IFT70B: variants seen among roughly 807,000 people sequenced by gnomAD.
The protein encoded by IFT70B is intraflagellar transport 70B.
the IFT70B span, chr2:177,552,143 T>G: frequency 1.9e-6 from 3 of 1,614,178 alleles, no homozygotes; most frequent in Non-Finnish European, 2.5e-6. Flanking sequence ...TATGCTTCAG[T>G]GCTGAAGCAT....
At chr2:177,551,120 C>G in the IFT70B span, 1 of 1,614,094 alleles carries the variant, frequency 6.2e-7, no homozygotes, top group African/African-American at 1.3e-5. Context: ...TTCCTATCAC[C>G]AAATTCACAA....
chr2:177,552,629 G>A, the IFT70B span: 27 of 1,590,316 alleles, frequency 1.7e-5, no homozygotes, highest in Admixed American at 5.3e-5. Flanking sequence ...ACAGGCCGGC[G>A]CGGCTCCTAG....
At chr2:177,551,240 A>G in the IFT70B span, 48 of 1,613,950 alleles carry the variant, frequency 3.0e-5, 1 homozygote, top group South Asian at 3.2e-4. Context: ...TTGTCATAAT[A>G]TAGGAAACAC....
chr2:177,551,239 T>C, the IFT70B span: 4 of 1,613,824 alleles, frequency 2.5e-6, no homozygotes, highest in African/African-American at 4.0e-5. Context: ...CTTGTCATAA[T>C]ATAGGAAACA....
the IFT70B span, chr2:177,552,733 C>G: frequency 6.3e-7 from 1 of 1,581,542 alleles, no homozygotes; most frequent in South Asian, 1.1e-5. Context: ...AACTCCCCGT[C>G]GGGGATCTGC....
the IFT70B span, chr2:177,552,143 T>C: frequency 4.3e-6 from 7 of 1,614,178 alleles, no homozygotes; most frequent in East Asian, 4.5e-5. Context: ...TATGCTTCAG[T>C]GCTGAAGCAT....
chr2:177,552,793 C>T, the IFT70B span: 1 of 1,491,392 alleles, frequency 6.7e-7, no homozygotes, highest in Non-Finnish European at 8.9e-7. Flanking sequence ...GGTGCGGTTA[C>T]TATGGCAACA....
the IFT70B span, chr2:177,550,835 C>T: frequency 6.2e-7 from 1 of 1,614,102 alleles, no homozygotes; most frequent in Non-Finnish European, 8.5e-7. Context: ...TGACTGTATT[C>T]TTTCCAACAT....
At chr2:177,550,310 A>G in the IFT70B span, 1 of 153,000 alleles carries the variant, frequency 6.5e-6, no homozygotes, top group South Asian at 2.1e-4. Flanking sequence ...ACACTGCCAA[A>G]ATATCCTAAA....
the IFT70B span, chr2:177,549,398 G>A: frequency 6.6e-6 from 1 of 152,202 alleles, no homozygotes; most frequent in African/African-American, 2.4e-5. Flanking sequence ...TTTCTTATCA[G>A]TACTTATGTG....
At chr2:177,549,593 G>A in the IFT70B span, 1 of 152,230 alleles carries the variant, frequency 6.6e-6, no homozygotes, top group Non-Finnish European at 1.5e-5. Flanking sequence ...GCCAGGTCAA[G>A]TTAGGATTGA....
chr2:177,552,761 C>A, the IFT70B span: 1 of 1,554,388 alleles, frequency 6.4e-7, no homozygotes, highest in Non-Finnish European at 8.7e-7. Flanking sequence ...TCAGGCCAGC[C>A]ATAACCACCA....
the IFT70B span, chr2:177,552,715 C>A: frequency 3.1e-6 from 5 of 1,592,770 alleles, no homozygotes; most frequent in Middle Eastern, 3.3e-4. Context: ...CGGTACACGA[C>A]CGCGGTGAAC....
At chr2:177,552,783 G>C in the IFT70B span, 2 of 1,507,772 alleles carry the variant, frequency 1.3e-6, no homozygotes, top group Middle Eastern at 1.8e-4. Context: ...GGCTGTTATG[G>C]GTGCGGTTAC....
chr2:177,552,759 GC>G, the IFT70B span: 1 of 1,555,154 alleles, frequency 6.4e-7, no homozygotes, highest in Non-Finnish European at 8.7e-7. Flanking sequence ...GCTCAGGCCA[GC>G]CATAACCACC....
At chr2:177,551,033 C>A in the IFT70B span, 2 of 1,614,180 alleles carry the variant, frequency 1.2e-6, no homozygotes, top group Non-Finnish European at 1.7e-6. Context: ...CTGTTCCCAG[C>A]TTTTTGTTGT....
At chr2:177,551,575 CTT>C in the IFT70B span, 1 of 1,614,162 alleles carries the variant, frequency 6.2e-7, no homozygotes, top group Non-Finnish European at 8.5e-7. Flanking sequence ...GCTTCCTGTA[CTT>C]GTATGGTAAG....
At chr2:177,552,042 T>C in the IFT70B span, 1 of 1,614,254 alleles carries the variant, frequency 6.2e-7, no homozygotes, top group East Asian at 2.2e-5. Context: ...GACTAAGGTG[T>C]TGCCAACACT....
chr2:177,550,666 A>G, the IFT70B span: 1 of 1,142,878 alleles, frequency 8.7e-7, no homozygotes, highest in East Asian at 2.4e-5. Context: ...ATAAGTGTAC[A>G]AAGTTCAACA....
Sources: allele counts gnomAD v4.1 joint callset, GRCh38; gene constraint gnomAD v4.1.1; transcripts MANE v1.5; gene names NCBI Gene and HGNC (gene_info 2026-07-23, HGNC 2026-07-21).